The following TEX11 variants were observed in gnomAD, a reference collection of about 807,000 sequenced individuals.
TEX11 encodes the protein testis expressed 11.
In TEX11, 7 loss-of-function variants were observed where a neutral mutation model predicts 84.4. The observed-to-expected ratio is 0.08, with a 90% CI of 0.05 to 0.16. The LOEUF is 0.16. Among genes scored for constraint, TEX11 ranks in the 10% least tolerant of loss-of-function variants. The pLI is 1.00. For missense variants in TEX11, 551 were observed against 660.5 expected (o/e 0.83, Z 1.82); for synonymous variants, 264 against 222.8 (o/e 1.18, Z -1.64).
At chrX:70,671,359 A>G (rs1458908310) in intron 15 of TEX11, among the ~76,000 whole-genome samples, 1 of 111,584 alleles carries the variant, frequency 9.0e-6, no homozygotes, top group Non-Finnish European at 1.9e-5. Context: ...CCTTCAAGGA[A>G]TAAAACACCC....
At chrX:70,723,992 A>G (rs1315150257) in intron 12 of TEX11, 1 of 601,622 alleles carries the variant, frequency 1.7e-6, no homozygotes, top group Non-Finnish European at 2.0e-6. Context: ...TGACATTGCA[A>G]CTTCGGGAGT....
chrX:70,777,543 G>A (rs2091009974), intron 9 of TEX11, among the ~76,000 whole-genome samples: 1 of 111,882 alleles, frequency 8.9e-6, no homozygotes, highest in South Asian at 3.8e-4. Flanking sequence ...CAGCTACTCG[G>A]GAGGCTGAGG....
chrX:70,553,934 G>A (rs773522396), intron 26 of TEX11, among the ~76,000 whole-genome samples: 2 of 111,687 alleles, frequency 1.8e-5, no homozygotes, highest in Non-Finnish European at 3.8e-5. Context: ...AGCAGTGGTT[G>A]CTGTCACATG....
At chrX:70,781,954 G>T (rs973447615) in intron 9 of TEX11, among the ~76,000 whole-genome samples, 3 of 110,652 alleles carry the variant, frequency 2.7e-5, no homozygotes, top group Non-Finnish European at 5.7e-5. Context: ...TCAAATTCAG[G>T]GAAATACAGA....
chrX:70,591,871 C>T, intron 24 of TEX11, 48 bp from the exon 25 acceptor site: 1 of 946,140 alleles, frequency 1.1e-6, no homozygotes. Context: ...CAAAAAAGAA[C>T]TTTAAGCAAA....
At chrX:70,845,393 C>T (rs1244341973) in intron 7 of TEX11, among the ~76,000 whole-genome samples, 1 of 110,237 alleles carries the variant, frequency 9.1e-6, no homozygotes, top group Non-Finnish European at 1.9e-5. Context: ...AACTCCTGAC[C>T]TCAGGCGATC....
Position 70,722,660 on chromosome X carries a change from T to C in TEX11, c.962A>G (p.Asp321Gly), listed in dbSNP as rs1476208283. Residue 321 changes from aspartate to glycine, a missense_variant, in exon 13 of 30, where the codon GAC becomes GGC. Coordinates refer to ENST00000374333, the MANE Select transcript of TEX11 (RefSeq NM_031276.3). ...MEILHLDMPL[D>G]FCLNIAKLLM... ...CAGTTTAGCAATGTTCAGACAGAAG[T>C]CTAAGGGCATGTCAAGATGTAGTAT... is the stretch of plus-strand genomic sequence containing the variant. The C allele has an allele frequency of 4.2e-6, 5 of 1,204,248 alleles. No homozygotes were observed. Among genetic ancestry groups the C allele is most frequent in the Non-Finnish European group, 5.6e-6 (5 of 889,396 alleles).
intron 26 of TEX11, among the ~76,000 whole-genome samples, chrX:70,554,156 A>T (rs894009546): frequency 8.9e-6 from 1 of 111,878 alleles, no homozygotes; most frequent in Non-Finnish European, 1.9e-5. Context: ...CCCCAAACCC[A>T]CGTAAAGTTT....
intron 13 of TEX11, among the ~76,000 whole-genome samples, chrX:70,686,237 C>T (rs970122530): frequency 2.7e-5 from 3 of 111,958 alleles, no homozygotes; most frequent in South Asian, 3.7e-4. Context: ...TATATGCACA[C>T]GTATGTTTAT....
rs2091128210 is a variant in TEX11, at chrX:70,792,341, T to A, written c.692+14364A>T. On this transcript the variant is annotated intron_variant, in intron 9 of 29. Transcript: ENST00000374333. ...ATATATATATATATATATATATATA[T>A]ATATATATATATATATACACACACA... is the stretch of plus-strand genomic sequence containing the variant. Among the ~76,000 whole-genome samples the A allele has an allele frequency of 1.8e-4, 2 of 11,252 alleles. 1 individual carries two copies. The highest frequency in any genetic ancestry group is 8.2e-4 in the African/African-American group (2 of 2,428). 9.8% of individuals were successfully genotyped at this position (11,252 alleles called of 115,157 possible).
intron 17 of TEX11, among the ~76,000 whole-genome samples, chrX:70,646,959 G>C (rs5936949): frequency 0.43 from 47,139 of 110,587 alleles, 8,380 homozygotes; most frequent in East Asian, 0.58. Flanking sequence ...ATTCACAATA[G>C]CCATGGTATG....
At chrX:70,734,507 T>C (rs1431483561) in intron 11 of TEX11, among the ~76,000 whole-genome samples, 2 of 111,660 alleles carry the variant, frequency 1.8e-5, no homozygotes, top group Non-Finnish European at 3.8e-5. Flanking sequence ...GAGCAAACTG[T>C]GTTTAACAGA....
intron 13 of TEX11, among the ~76,000 whole-genome samples, chrX:70,717,634 T>C (rs1181330496): frequency 8.9e-6 from 1 of 112,126 alleles, no homozygotes; most frequent in Non-Finnish European, 1.9e-5. Flanking sequence ...ATTCACTTTC[T>C]AACAGTTAAT....
In TEX11 at chrX:70,775,799, C is replaced by CAAAAAA. The variant is rs55995616; in HGVS notation, c.692+30900_692+30905dup. 1.1e-4 allele frequency among the ~76,000 whole-genome samples: 5 copies of CAAAAAA among 44,078 alleles called. No homozygotes were observed. In the East Asian group the frequency reaches 7.6e-3, roughly 67 times the overall value. 38.3% of individuals were successfully genotyped at this position (44,078 alleles called of 115,157 possible). ...TGGGTGACAGAGCGAGACTCCGTCT[C>CAAAAAA]AAAAAAAAAAAGGCATACAAATGGC... On this transcript the variant is annotated intron_variant, in intron 9 of 29. Transcript: ENST00000374333.
At position 70,860,960 on chromosome X, in the gene TEX11, G is replaced by A. The variant is rs147843533; in HGVS notation, c.245-24C>T. ...TACTGCAAAACAGTAATTAGACAAT[G>A]ATAAACACAAAACATTCATTCTCCT... On this transcript the variant is annotated intron_variant, in intron 4 of 29. Transcript: ENST00000374333. 4.0e-3 allele frequency: 4,059 copies of A among 1,023,058 alleles called. 84 individuals carry two copies. In the African/African-American group the frequency reaches 0.071, roughly 18 times the overall value. 84.3% of individuals were successfully genotyped at this position (1,023,058 alleles called of 1,213,427 possible).
At chrX:70,628,843 T>C (rs1354973683) in intron 18 of TEX11, among the ~76,000 whole-genome samples, 1 of 112,496 alleles carries the variant, frequency 8.9e-6, no homozygotes, top group Non-Finnish European at 1.9e-5. Flanking sequence ...GGAAGGTTTA[T>C]AAATGTACAT....
At chrX:70,602,297 C>T (rs1421451276) in intron 24 of TEX11, among the ~76,000 whole-genome samples, 1 of 110,617 alleles carries the variant, frequency 9.0e-6, no homozygotes, top group Non-Finnish European at 1.9e-5. Context: ...ATGCAAAAAT[C>T]CTCAATATAA....
rs765255674 is a variant in TEX11 at position 70,540,187 on chromosome X, A to G, written c.2521-10188T>C. Among the ~76,000 whole-genome samples, 5 of 112,689 alleles carry G rather than the reference A, an allele frequency of 4.4e-5. No individual in the cohort carries two copies. The South Asian group carries it at 1.8e-3, about 41-fold the overall frequency. On this transcript the variant is annotated intron_variant, in intron 28 of 29. Transcript: ENST00000374333. ...AATCAGGAAGATCTCAAATAACGAA[A>G]AAAGACAATGAATTGATGCCAACAC...
intron 4 of TEX11, among the ~76,000 whole-genome samples, chrX:70,866,257 A>T (rs1456443223): frequency 9.0e-6 from 1 of 111,316 alleles, no homozygotes; most frequent in Non-Finnish European, 1.9e-5. Context: ...AATACTATAA[A>T]CACCTATACA....
Sources: allele counts gnomAD v4.1 joint callset (sites outside exome capture counted in the v4.1 genomes callset), GRCh38; gene constraint gnomAD v4.1.1; transcripts MANE v1.5; gene names NCBI Gene and HGNC (gene_info 2026-07-23, HGNC 2026-07-21).